The following YJU2 variants were observed in gnomAD, a reference collection of about 807,000 sequenced individuals.
The protein encoded by YJU2 is splicing factor YJU2.
In YJU2, 28 loss-of-function variants were observed where a neutral mutation model predicts 39.6. The observed-to-expected ratio is 0.71, with a 90% CI of 0.52 to 0.97. The LOEUF (loss-of-function observed/expected upper bound fraction) is 0.97, where lower values mean the gene tolerates loss of function less well. Among genes scored for constraint, YJU2 ranks in the 50% least tolerant of loss-of-function variants. The pLI, the probability that YJU2 is intolerant of heterozygous loss-of-function variation, is 0.00. For synonymous variants in YJU2, 184 were observed against 182.4 expected (o/e 1.01, Z -0.07); for missense variants, 328 against 430.4 (o/e 0.76, Z 2.11).
At chr19:4,251,234 C>T (rs905824523) in intron 3 of YJU2, 63 bp downstream of exon 3, 100 of 1,522,632 alleles carry the variant, frequency 6.6e-5, no homozygotes, top group Admixed American at 3.9e-4. Flanking sequence ...CAGGGCGGGC[C>T]CTGGGGTTCC....
At chr19:4,266,521 C>T (rs1304737322) in intron 6 of YJU2, among the ~76,000 whole-genome samples, 1 of 152,132 alleles carries the variant, frequency 6.6e-6, no homozygotes, top group African/African-American at 2.4e-5. Context: ...CTCATCCTCA[C>T]AATTCAAGCT....
chr19:4,260,277 A>G (rs1283644373), intron 5 of YJU2, among the ~76,000 whole-genome samples: 1 of 151,380 alleles, frequency 6.6e-6, no homozygotes, highest in Non-Finnish European at 1.5e-5. Flanking sequence ...TACAAAAACA[A>G]ATTAGCTGGG....
chr19:4,264,330 C>G (rs1327438656), intron 6 of YJU2, among the ~76,000 whole-genome samples: 2 of 147,434 alleles, frequency 1.4e-5, no homozygotes, highest in South Asian at 4.3e-4. Context: ...TTGTTTGACA[C>G]AGGGTCTTAC....
At chr19:4,265,233 T>C (rs972628546) in intron 6 of YJU2, among the ~76,000 whole-genome samples, 1 of 151,936 alleles carries the variant, frequency 6.6e-6, no homozygotes, top group African/African-American at 2.4e-5. Context: ...TCTCCACACT[T>C]GCGTTTTCTT....
chr19:4,267,525 G>C, intron 6 of YJU2, 99 bp from the exon 7 acceptor site: 1 of 1,279,902 alleles, frequency 7.8e-7, no homozygotes, highest in Non-Finnish European at 1.1e-6. Flanking sequence ...TGCAGCAGTG[G>C]AAGAGTGGGC....
intron 2 of YJU2, 117 bp from the exon 3 acceptor site, chr19:4,250,910 G>T: frequency 8.9e-7 from 1 of 1,128,804 alleles, no homozygotes; most frequent in South Asian, 1.5e-5. Context: ...CTTGAAGGAG[G>T]GAGCTCCCCG....
intron 2 of YJU2, among the ~76,000 whole-genome samples, chr19:4,250,736 C>A (rs72980969): frequency 2.0e-5 from 3 of 151,908 alleles, no homozygotes; most frequent in Non-Finnish European, 2.9e-5. Flanking sequence ...TGGGGTGCCC[C>A]GTAAGCACAA....
At chr19:4,267,895 A>G (rs1377984461) in intron 7 of YJU2, 121 bp downstream of exon 7, 16 of 782,218 alleles carry the variant, frequency 2.0e-5, no homozygotes, top group Non-Finnish European at 3.0e-5. Context: ...CGACCCCCAC[A>G]GGACCAATTA....
chr19:4,254,550 A>G (rs1241621378), intron 4 of YJU2, 61 bp downstream of exon 4: 6 of 1,472,364 alleles, frequency 4.1e-6, no homozygotes, highest in Non-Finnish European at 5.4e-6. Context: ...TGTGTGTGCC[A>G]ATGGTTGTGC....
chr19:4,263,769 C>G (rs1270928025), intron 6 of YJU2, among the ~76,000 whole-genome samples: 4 of 147,990 alleles, frequency 2.7e-5, no homozygotes, highest in African/African-American at 5.1e-5. Flanking sequence ...GAGATTGTGC[C>G]ATTGCCCTCC....
Position 4,268,927 on chromosome 19 carries a change from C to A in YJU2, c.*231C>A. Reference sequence around the variant, plus strand: ...CTCGGGGACCCCTGCTGCTCCTGCCCCCACCTGTCACTGTGCTTAGGGCTG... The same window carrying A: ...CTCGGGGACCCCTGCTGCTCCTGCCACCACCTGTCACTGTGCTTAGGGCTG... On this transcript the variant is annotated 3_prime_UTR_variant, in exon 8 of 8. Transcript: ENST00000262962. The A allele has an allele frequency of 3.6e-6, 2 of 554,352 alleles. No homozygotes were observed. The highest frequency in any genetic ancestry group is 6.5e-6 in the Non-Finnish European group (2 of 306,710). The allele number at this position is 554,352 out of a possible 1,614,324, so 34.3% of individuals were successfully genotyped here.
rs370538290 is a variant in YJU2, at chr19:4,268,740, C to T, written c.*44C>T. On this transcript the variant is annotated 3_prime_UTR_variant, in exon 8 of 8. Coordinates refer to ENST00000262962, the MANE Select transcript of YJU2 (RefSeq NM_018074.6). The stretch of plus-strand genomic sequence containing the variant: ...CACGGGGTCAAAGTCACACGTCCAG[C>T]TTCAGCCACATTGAGGCCAGCATTG... 3 of 1,399,258 alleles carry T rather than the reference C, an allele frequency of 2.1e-6. No individual in the cohort carries two copies. The highest frequency in any genetic ancestry group is 1.8e-5 in the Admixed American group (1 of 54,794). 86.7% of individuals were successfully genotyped at this position (1,399,258 alleles called of 1,614,324 possible). A position where few individuals can be genotyped will look rare whatever the true frequency, so the allele number is the denominator to read the frequency against.
chr19:4,257,613 A>G (rs1971031941), intron 4 of YJU2, among the ~76,000 whole-genome samples: 1 of 152,176 alleles, frequency 6.6e-6, no homozygotes, highest in African/African-American at 2.4e-5. Context: ...AGCTGGGATT[A>G]CAGGCACATG....
rs34322392 is a variant in YJU2, at chr19:4,247,170, C to T, written c.24C>T (p.Asn8=). 236 of 1,613,750 alleles carry T rather than the reference C, an allele frequency of 1.5e-4. No individual in the cohort carries two copies. The African/African-American group carries it at 2.7e-3, about 18-fold the overall frequency. ...AGATGTCGGAGCGAAAAGTATTAAA[C>T]GTAAGTGTTGGGCGACTGGGGCTTT... is the stretch of plus-strand genomic sequence containing the variant. The part of the protein sequence containing the change: MSERKVL[N]KYYPPDFDPS... Residue 8 remains asparagine (N), a splice_region_variant and synonymous_variant, in exon 1 of 8, where the codon AAC becomes AAT. Transcript: ENST00000262962.
In YJU2 at chr19:4,259,906, C is replaced by T. The variant is rs1346085937; in HGVS notation, c.587+1483C>T. ...CGTGCAGAACAGTGTTGGGAGCCTG[C>T]GTTCATCCTGCACCTTCCGGGTGCC... On this transcript the variant is annotated intron_variant, in intron 5 of 7. Coordinates refer to ENST00000262962, the MANE Select transcript of YJU2 (RefSeq NM_018074.6). Among the ~76,000 whole-genome samples, 4 of 152,120 alleles carry T rather than the reference C, an allele frequency of 2.6e-5. No individual in the cohort carries two copies. In the East Asian group the frequency reaches 5.8e-4, roughly 22 times the overall value.
intron 2 of YJU2, 74 bp downstream of exon 2, chr19:4,249,402 C>A: frequency 1.0e-6 from 1 of 959,258 alleles, no homozygotes; most frequent in Non-Finnish European, 1.6e-6. Context: ...ACAGAGGTGA[C>A]TCGTCCGGTG....
rs1200889486 is a variant in YJU2, at chr19:4,247,640, T to C, written c.24+470T>C. ...GTGTGTGTGTGTGTGTGTGTGTGTGTGTGTGTGTGTGTGTGTGTGTGTGTG... is the reference window on the plus strand; with the variant it reads ...GTGTGTGTGTGTGTGTGTGTGTGTGCGTGTGTGTGTGTGTGTGTGTGTGTG... On this transcript the variant is annotated intron_variant, in intron 1 of 7. Coordinates refer to ENST00000262962, the MANE Select transcript of YJU2 (RefSeq NM_018074.6). 3.4e-3 allele frequency among the ~76,000 whole-genome samples: 162 copies of C among 47,070 alleles called. 13 individuals carry two copies. Among genetic ancestry groups the C allele is most frequent in the East Asian group, 0.013 (15 of 1,162 alleles). The allele number at this position is 47,070 out of a possible 152,430, so 30.9% of individuals were successfully genotyped here. A position where few individuals can be genotyped will look rare whatever the true frequency, so the allele number is the denominator to read the frequency against.
intron 5 of YJU2, among the ~76,000 whole-genome samples, chr19:4,261,075 G>T (rs1425618010): frequency 2.0e-5 from 3 of 150,132 alleles, no homozygotes; most frequent in Non-Finnish European, 4.5e-5. Context: ...AATCCTTTTT[G>T]CAGAGATGCG....
chr19:4,265,788 G>A (rs1338746823), intron 6 of YJU2, among the ~76,000 whole-genome samples: 3 of 150,858 alleles, frequency 2.0e-5, no homozygotes, highest in South Asian at 2.1e-4. Context: ...ATAAAGAGAC[G>A]GGGTTTCACC....
Sources: allele counts gnomAD v4.1 joint callset (sites outside exome capture counted in the v4.1 genomes callset), GRCh38; gene constraint gnomAD v4.1.1; transcripts MANE v1.5; gene names NCBI Gene and HGNC (gene_info 2026-07-23, HGNC 2026-07-21).